DENND1A: variants seen among roughly 807,000 people sequenced by gnomAD.
The protein encoded by DENND1A is DENN domain-containing protein 1A.
A neutral mutation model predicts 113.7 loss-of-function variants in DENND1A; 51 were observed. The ratio of observed to expected loss-of-function variants is 0.45; its 90% CI spans 0.36 to 0.57. DENND1A has a LOEUF of 0.57. Ranked by LOEUF, DENND1A falls within the 20% of genes least tolerant of loss-of-function variation. The pLI is 0.00. For synonymous variants in DENND1A, 565 were observed against 570.8 expected, an observed-to-expected ratio of 0.99 and a Z score of 0.14; for missense variants, 1,258 against 1,395.9, an observed-to-expected ratio of 0.90 and a Z score of 1.57.
intron 5 of DENND1A, among the ~76,000 whole-genome samples, chr9:123,713,530 G>A (rs1038030946): frequency 6.6e-6 from 1 of 152,196 alleles, no homozygotes; most frequent in Admixed American, 6.5e-5. Flanking sequence ...ATTCAGAATA[G>A]CATTTCCATG....
intron 2 of DENND1A, among the ~76,000 whole-genome samples, chr9:123,840,057 C>T (rs1011126559): frequency 6.7e-6 from 1 of 149,738 alleles, no homozygotes; most frequent in Non-Finnish European, 1.5e-5. Flanking sequence ...AATGGAACAT[C>T]GACCCCATGT....
chr9:123,383,747 C>A lies in DENND1A; in HGVS notation c.1927G>T (p.Ala643Ser). Reference protein sequence around the residue: ...EDVFSNLDMEAALQPLGQAKS... With the variant: ...EDVFSNLDMESALQPLGQAKS... ...GCCTGGCCCAGTGGCTGCAGTGCGG[C>A]CTCCATGTCCAGGTTGCTGAAGACG... Residue 643 changes from alanine (A) to serine (S), a missense_variant, in exon 23 of 24, where the codon GCC becomes TCC. Physicochemically the swap from Ala to Ser is moderately conservative, Grantham distance 99. Around this residue, in one of 2 missense-constraint regions of DENND1A, gnomAD observed 1,159 missense variants for 1,231.7 expected, o/e 0.94. Transcript: ENST00000394215. 2.5e-6 allele frequency: 4 copies of A among 1,614,136 alleles called. No individual in the cohort carries two copies. Among genetic ancestry groups the A allele is most frequent in the Non-Finnish European group, 3.4e-6 (4 of 1,180,034 alleles).
intron 5 of DENND1A, among the ~76,000 whole-genome samples, chr9:123,752,393 T>G (rs1196858337): frequency 6.6e-6 from 1 of 152,162 alleles, no homozygotes; most frequent in Non-Finnish European, 1.5e-5. Flanking sequence ...AGGAAAAAAG[T>G]TTTTTCTTTC....
intron 5 of DENND1A, among the ~76,000 whole-genome samples, chr9:123,732,450 C>T (rs1361407863): frequency 6.6e-6 from 1 of 152,100 alleles, no homozygotes; most frequent in African/African-American, 2.4e-5. Flanking sequence ...AAGGTAATAC[C>T]ATATGATTAC....
At chr9:123,425,695 T>C (rs1315158712) in intron 19 of DENND1A, among the ~76,000 whole-genome samples, 1 of 152,226 alleles carries the variant, frequency 6.6e-6, no homozygotes, top group Non-Finnish European at 1.5e-5. Context: ...AATTCTGTCC[T>C]TTTCTGTGGG....
At chr9:123,874,695 T>TC (rs1847181711) in intron 2 of DENND1A, among the ~76,000 whole-genome samples, 1 of 152,074 alleles carries the variant, frequency 6.6e-6, no homozygotes, top group African/African-American at 2.4e-5. Context: ...TCATTAGTCT[T>TC]CAACAAAAAG....
Position 123,452,363 on chromosome 9 carries a change from C to A in DENND1A, c.1228-16G>T. ...CACTTCCTTTCTATAATAAAAATGT[C>A]AATTAGCAATTTGGGCTGAAGACAG... On this transcript the variant is annotated splice_polypyrimidine_tract_variant and intron_variant, in intron 16 of 23. Coordinates refer to ENST00000394215, the MANE Select transcript of DENND1A (RefSeq NM_001352964.2). 6.2e-7 allele frequency: 1 copy of A among 1,610,782 alleles called. No individual in the cohort carries two copies. Among genetic ancestry groups the A allele is most frequent in the South Asian group, 1.1e-5 (1 of 91,020 alleles).
At chr9:123,595,884 C>G (rs1050738643) in intron 11 of DENND1A, among the ~76,000 whole-genome samples, 5 of 152,178 alleles carry the variant, frequency 3.3e-5, no homozygotes, top group African/African-American at 1.2e-4. Flanking sequence ...AACACAGAAC[C>G]TCCATCCAGC....
chr9:123,606,086 C>T (rs775734831), intron 11 of DENND1A, among the ~76,000 whole-genome samples: 5 of 152,092 alleles, frequency 3.3e-5, no homozygotes, highest in Non-Finnish European at 7.4e-5. Context: ...TGCAAGAAAC[C>T]GCAGAAGGAG....
intron 12 of DENND1A, among the ~76,000 whole-genome samples, chr9:123,560,869 A>G (rs369516881): frequency 8.2e-4 from 125 of 152,218 alleles, no homozygotes; most frequent in African/African-American, 2.9e-3. Context: ...TCAAGGACAC[A>G]TAAGCCCCAG....
chr9:123,526,358 T>G (rs1325351837), intron 13 of DENND1A, among the ~76,000 whole-genome samples: 1 of 152,152 alleles, frequency 6.6e-6, no homozygotes, highest in Non-Finnish European at 1.5e-5. Flanking sequence ...ACCCCTTCCA[T>G]CCCAGGGCCC....
At chr9:123,439,565 T>A (rs2132324170) in intron 19 of DENND1A, among the ~76,000 whole-genome samples, 1 of 152,314 alleles carries the variant, frequency 6.6e-6, no homozygotes, top group East Asian at 1.9e-4. Flanking sequence ...TCATGCATCA[T>A]CTAATAAATG....
intron 9 of DENND1A, among the ~76,000 whole-genome samples, chr9:123,636,514 G>C (rs1415710514): frequency 6.6e-6 from 1 of 151,678 alleles, no homozygotes; most frequent in Non-Finnish European, 1.5e-5. Flanking sequence ...ACAGGGTTTC[G>C]CCAAATTGGC....
intron 9 of DENND1A, among the ~76,000 whole-genome samples, chr9:123,637,616 T>C (rs900978882): frequency 2.0e-5 from 3 of 152,198 alleles, no homozygotes; most frequent in African/African-American, 7.2e-5. Context: ...TTGTAGTTAC[T>C]GTATTTAGTG....
At chr9:123,415,782 GC>G (rs1457172288) in intron 19 of DENND1A, among the ~76,000 whole-genome samples, 1 of 152,190 alleles carries the variant, frequency 6.6e-6, no homozygotes, top group Non-Finnish European at 1.5e-5. Context: ...TTCACGCAGG[GC>G]CAGGGGCACA....
chr9:123,411,019 C>T (rs940506818), intron 20 of DENND1A, among the ~76,000 whole-genome samples: 7 of 152,094 alleles, frequency 4.6e-5, no homozygotes, highest in African/African-American at 1.4e-4. Context: ...GGATCTCTCT[C>T]GCCCTCCCAC....
Position 123,381,444 on chromosome 9 carries a change from C to T in DENND1A, c.3201G>A (p.Glu1067=). ...CTCAGGGCCCGGCTCACTCGAAGGT[C>T]TCCCACTGCTTCCTGAGCTGCTCCA... is the stretch of plus-strand genomic sequence containing the variant. ...DSVEQLRKQW[E]TFE Residue 1067 remains glutamate, a synonymous_variant, in exon 24 of 24, where the codon GAG becomes GAA. Coordinates refer to ENST00000394215, the MANE Select transcript of DENND1A (RefSeq NM_001352964.2). The surrounding 1 kb of genome is among the most constrained non-coding windows in gnomAD (Gnocchi z 4.7). 1 of 1,613,236 alleles carries T rather than the reference C, an allele frequency of 6.2e-7. No homozygotes were observed. The highest frequency in any genetic ancestry group is 1.1e-5 in the South Asian group (1 of 91,076).
chr9:123,395,619 G>T (rs919409286), intron 21 of DENND1A, among the ~76,000 whole-genome samples: 2 of 152,106 alleles, frequency 1.3e-5, no homozygotes, highest in Admixed American at 6.5e-5. Context: ...CCTGCCAGGG[G>T]GTAGAGCCCA....
intron 21 of DENND1A, among the ~76,000 whole-genome samples, chr9:123,396,310 G>A (rs995875195): frequency 4.6e-5 from 7 of 152,244 alleles, no homozygotes; most frequent in African/African-American, 1.7e-4. Flanking sequence ...GGCTGACTCA[G>A]GCCTGTTGGA....
Sources: gnomAD v4.1 joint callset for allele counts (sites outside exome capture counted in the v4.1 genomes callset) on GRCh38, gnomAD v4.1.1 for gene constraint, gnomAD v4.1.1 regional missense constraint, Gnocchi (gnomAD v3.1) non-coding constraint, MANE v1.5 for transcripts, NCBI Gene and HGNC (gene_info 2026-07-23, HGNC 2026-07-21) for gene names.